PLXNA2: variants seen among roughly 807,000 people sequenced by gnomAD.
PLXNA2 encodes plexin A2.
Under a neutral mutation model 193.5 loss-of-function variants are expected in PLXNA2, and 91 were observed. The ratio of observed to expected loss-of-function variants is 0.47; its 90% CI spans 0.40 to 0.56. The LOEUF (loss-of-function observed/expected upper bound fraction) is 0.56. Among genes scored for constraint, PLXNA2 ranks in the 20% least tolerant of loss-of-function variants. The pLI, the probability that PLXNA2 is intolerant of heterozygous loss-of-function variation, is 0.00. For synonymous variants in PLXNA2, 997 were observed against 1,027.3 expected, an observed-to-expected ratio of 0.97 and a Z score of 0.56; for missense variants, 1,995 against 2,503.2, an observed-to-expected ratio of 0.80 and a Z score of 4.33.
intron 3 of PLXNA2, among the ~76,000 whole-genome samples, chr1:208,172,308 A>C (rs771644965): frequency 6.6e-6 from 1 of 151,952 alleles, no homozygotes; most frequent in Non-Finnish European, 1.5e-5. Flanking sequence ...GTGGGGTCAT[A>C]TTGTGAAAGA....
intron 2 of PLXNA2, among the ~76,000 whole-genome samples, chr1:208,212,143 G>A (rs113462214): frequency 7.4e-4 from 113 of 152,332 alleles, no homozygotes; most frequent in African/African-American, 2.4e-3. Flanking sequence ...GAAAGCAGCA[G>A]AACAGCCTGC....
At chr1:208,118,311 A>G (rs1330966010) in intron 4 of PLXNA2, among the ~76,000 whole-genome samples, 3 of 152,246 alleles carry the variant, frequency 2.0e-5, no homozygotes, top group African/African-American at 7.2e-5. Flanking sequence ...CCAGGGAGTG[A>G]ATAGGTCAGG....
At chr1:208,124,082 T>G (rs1428272538) in intron 4 of PLXNA2, among the ~76,000 whole-genome samples, 1 of 152,112 alleles carries the variant, frequency 6.6e-6, no homozygotes, top group Non-Finnish European at 1.5e-5. Flanking sequence ...AAACTGAACT[T>G]CATAAAAAGT....
At chr1:208,141,276 GA>G (rs1233083088) in intron 4 of PLXNA2, among the ~76,000 whole-genome samples, 1 of 152,102 alleles carries the variant, frequency 6.6e-6, no homozygotes, top group Non-Finnish European at 1.5e-5. Flanking sequence ...CTCATCCCCT[GA>G]TTCAGACTCC....
intron 13 of PLXNA2, among the ~76,000 whole-genome samples, chr1:208,057,644 C>T (rs186478925): frequency 6.6e-4 from 101 of 152,258 alleles, no homozygotes; most frequent in African/African-American, 2.3e-3. Flanking sequence ...TCTTCCCTGT[C>T]TCCTCCCTGT....
chr1:208,029,607 C>T (rs1571838505), intron 29 of PLXNA2: 2 of 989,776 alleles, frequency 2.0e-6, no homozygotes. Flanking sequence ...CATGACTCTC[C>T]CCAGGGCGTT....
At position 208,052,496 on chromosome 1, in the gene PLXNA2, T is replaced by C. The variant is rs1036948276; in HGVS notation, c.2857-33A>G. Reference sequence around the variant, plus strand: ...AAGAAGCAGAGAAATGACTACAGCTTAGGTTTTCTCCAAAAGGATGGACCA... The same window carrying C: ...AAGAAGCAGAGAAATGACTACAGCTCAGGTTTTCTCCAAAAGGATGGACCA... On this transcript the variant is annotated intron_variant, in intron 14 of 31. Transcript: ENST00000367033. 2.5e-6 allele frequency: 4 copies of C among 1,610,188 alleles called. No homozygotes were observed. In the African/African-American group the frequency reaches 5.3e-5, roughly 22 times the overall value.
At chr1:208,226,929 G>C (rs1156453639) in intron 1 of PLXNA2, among the ~76,000 whole-genome samples, 2 of 152,236 alleles carry the variant, frequency 1.3e-5, no homozygotes, top group African/African-American at 2.4e-5. Flanking sequence ...CTGATGCTAT[G>C]AGAAGCAGGC....
chr1:208,068,518 T>C (rs1425237975), intron 12 of PLXNA2, among the ~76,000 whole-genome samples: 1 of 152,232 alleles, frequency 6.6e-6, no homozygotes, highest in African/African-American at 2.4e-5. Context: ...TCACCGAAGA[T>C]CTTGGTTTCT....
intron 4 of PLXNA2, among the ~76,000 whole-genome samples, chr1:208,119,410 C>T (rs753702756): frequency 6.6e-6 from 1 of 152,178 alleles, no homozygotes; most frequent in Non-Finnish European, 1.5e-5. Context: ...AGCAAACACA[C>T]CTTCAGGGAG....
rs1359072031 is a variant in PLXNA2, at chr1:208,028,382, G to A, written c.5439-223C>T. Among the ~76,000 whole-genome samples the A allele has an allele frequency of 1.3e-5, 2 of 152,142 alleles. No individual in the cohort carries two copies. Among genetic ancestry groups the A allele is most frequent in the Non-Finnish European group, 1.5e-5 (1 of 68,030 alleles). ...CATCTAGCCGAGAGCTCGTGGCTGC[G>A]GTGCCCAACAGAGTGGTTAAAAGCC... On this transcript the variant is annotated intron_variant, in intron 30 of 31. Coordinates refer to ENST00000367033, the MANE Select transcript of PLXNA2 (RefSeq NM_025179.4). The surrounding 1 kb of genome is among the most constrained non-coding windows in gnomAD (Gnocchi z 4.2).
chr1:208,128,101 A>G (rs1048100007), intron 4 of PLXNA2, among the ~76,000 whole-genome samples: 6 of 152,148 alleles, frequency 3.9e-5, no homozygotes, highest in African/African-American at 9.7e-5. Flanking sequence ...AACTGACTAG[A>G]TCAACCAGTA....
At chr1:208,092,750 T>C (rs769559499) in intron 9 of PLXNA2, 36 bp downstream of exon 9, 34 of 1,483,520 alleles carry the variant, frequency 2.3e-5, no homozygotes, top group Non-Finnish European at 3.2e-5. Flanking sequence ...TCAGACTCAC[T>C]GGGAACACTG....
chr1:208,097,711 A>T (rs1483376799), intron 6 of PLXNA2, among the ~76,000 whole-genome samples: 1 of 152,178 alleles, frequency 6.6e-6, no homozygotes, highest in Admixed American at 6.5e-5. Context: ...TTTGTACTCA[A>T]ATTACCACAA....
In PLXNA2 at chr1:208,159,459, G is replaced by A. The variant is rs147006802; in HGVS notation, c.1372-16996C>T. Among the ~76,000 whole-genome samples the A allele has an allele frequency of 3.6e-3, 552 of 152,290 alleles. 5 individuals are homozygous for A. Among genetic ancestry groups the A allele is most frequent in the African/African-American group, 9.4e-3 (389 of 41,570 alleles). ...CTAAAGTACCAGGCTCCAGGAAGAC[G>A]GCTGCCCCTGCTCTTTGCACAATCC... On this transcript the variant is annotated intron_variant, in intron 3 of 31. Coordinates refer to ENST00000367033, the MANE Select transcript of PLXNA2 (RefSeq NM_025179.4).
chr1:208,034,621 A>C lies in PLXNA2; in HGVS notation c.4765-29T>G, dbSNP rs1243629138. The C allele has an allele frequency of 4.9e-6, 7 of 1,416,758 alleles. No individual in the cohort carries two copies. In the Admixed American group the frequency reaches 5.0e-5, roughly 10 times the overall value. 87.8% of individuals were successfully genotyped at this position (1,416,758 alleles called of 1,614,324 possible). A position where few individuals can be genotyped will look rare whatever the true frequency, so the allele number is the denominator to read the frequency against. On this transcript the variant is annotated intron_variant, in intron 26 of 31. Transcript: ENST00000367033. ...AGAAGGGTACAAAAGGTACAGTACAAAAGGTGAATGTAGGTGTCTTGGGAA... is the reference window on the plus strand; with the variant it reads ...AGAAGGGTACAAAAGGTACAGTACACAAGGTGAATGTAGGTGTCTTGGGAA...
Position 208,119,054 on chromosome 1 carries a change from T to C in PLXNA2, c.1507-15807A>G, listed in dbSNP as rs544152990. 3.9e-5 allele frequency among the ~76,000 whole-genome samples: 6 copies of C among 152,364 alleles called. No individual in the cohort carries two copies. In the South Asian group the frequency reaches 1.2e-3, roughly 32 times the overall value. ...ACCACCTGAGCGTAATCTGGCTTCG[T>C]CTGGATACACACCACGGGTGATGCA... On this transcript the variant is annotated intron_variant, in intron 4 of 31. Transcript: ENST00000367033.
At position 208,027,252 on chromosome 1, in the gene PLXNA2, A is replaced by C. The variant is rs763432664; in HGVS notation, c.5676T>G (p.Ile1892Met). Reference protein sequence around the residue: ...KVEQLINAMSIES With the variant: ...KVEQLINAMSMES ...TGCGAGGCTCCTCCTCTCAGCTCTC[A>C]ATGGACATGGCATTAATGAGCTGCT... The change falls in exon 32 of 32, where the codon ATT becomes ATG. Residue 1892 changes from isoleucine (I) to methionine (M), a missense_variant. Around this residue, in one of 3 missense-constraint regions of PLXNA2, gnomAD observed 1,291 missense variants for 1,673.6 expected, o/e 0.77. Transcript: ENST00000367033. The C allele has an allele frequency of 1.2e-6, 2 of 1,613,378 alleles. No individual in the cohort carries two copies. Among genetic ancestry groups the C allele is most frequent in the East Asian group, 2.2e-5 (1 of 44,878 alleles).
intron 11 of PLXNA2, among the ~76,000 whole-genome samples, chr1:208,079,842 T>C (rs1666279031): frequency 6.6e-6 from 1 of 152,164 alleles, no homozygotes; most frequent in Non-Finnish European, 1.5e-5. Flanking sequence ...CTTAGCACAG[T>C]GCCTGTAACA....
Sources: allele counts gnomAD v4.1 joint callset (sites outside exome capture counted in the v4.1 genomes callset), GRCh38; gene constraint gnomAD v4.1.1; regional missense constraint gnomAD v4.1.1; non-coding constraint Gnocchi (gnomAD v3.1); transcripts MANE v1.5; gene names NCBI Gene and HGNC (gene_info 2026-07-23, HGNC 2026-07-21).